The following ITIH4 variants were observed in gnomAD, a reference collection of about 807,000 sequenced individuals.
ITIH4 encodes inter-alpha-trypsin inhibitor heavy chain H4.
Under a neutral mutation model 111.8 loss-of-function variants are expected in ITIH4, and 79 were observed. That is an observed-to-expected ratio of 0.71 (90% confidence interval 0.59 to 0.85). The LOEUF (loss-of-function observed/expected upper bound fraction) is 0.85. Ranked by LOEUF, ITIH4 falls within the 40% of genes least tolerant of loss-of-function variation. The probability of loss-of-function intolerance (pLI) is 0.00; values close to 1 mark genes in which losing one functional copy is unlikely to be tolerated. For missense variants in ITIH4, 1,065 were observed against 1,195.8 expected (o/e 0.89, Z 1.61); for synonymous variants, 472 against 468.3 (o/e 1.01, Z -0.10).
rs1376845919 is a variant in ITIH4, at chr3:52,813,382, G to A, written c.*39C>T. The A allele has an allele frequency of 1.0e-5, 16 of 1,591,408 alleles. No homozygotes were observed. Among genetic ancestry groups the A allele is most frequent in the Non-Finnish European group, 1.4e-5 (16 of 1,159,518 alleles). ...AGCGGCCCTGCAGTTGCAGGGGGAA[G>A]CCAAGTGTACAGGGTGGGCACAGCT... On this transcript the variant is annotated 3_prime_UTR_variant, in exon 24 of 24. Coordinates refer to ENST00000266041, the MANE Select transcript of ITIH4 (RefSeq NM_002218.5).
chr3:52,816,883 C>A lies in ITIH4; in HGVS notation c.2471+1G>T. 6.2e-7 allele frequency: 1 copy of A among 1,613,108 alleles called. No individual in the cohort carries two copies. The highest frequency in any genetic ancestry group is 8.5e-7 in the Non-Finnish European group (1 of 1,179,496). ...GCCCCGGGCTCCAGCCTGGGCCTTA[C>A]CCGGGCATCACTGAGAATAGCGTCT... On this transcript the variant is annotated splice_donor_variant, in intron 21 of 23. Coordinates refer to ENST00000266041, the MANE Select transcript of ITIH4 (RefSeq NM_002218.5). LOFTEE classifies it high-confidence loss of function.
chr3:52,827,643 G>A (rs1276194563), intron 2 of ITIH4, among the ~76,000 whole-genome samples: 1 of 152,228 alleles, frequency 6.6e-6, no homozygotes, highest in African/African-American at 2.4e-5. Flanking sequence ...GCCGTGTGGG[G>A]CCAGGACTGA....
chr3:52,814,027 C>T lies in ITIH4; in HGVS notation c.2671G>A (p.Asp891Asn), dbSNP rs754295079. The T allele has an allele frequency of 1.4e-5, 22 of 1,613,836 alleles. No homozygotes were observed. The highest frequency in any genetic ancestry group is 3.4e-6 in the Non-Finnish European group (4 of 1,179,976). Residue 891 changes from aspartate to asparagine, a missense_variant, in exon 23 of 24, where the codon GAT (aspartate) becomes AAT (asparagine). Transcript: ENST00000266041. ...EVLWGSPAAS[D>N]DGRRTLRVQG... is the part of the protein sequence containing the mutation. ...ACCCTCAGCGTGCGTCTGCCGTCAT[C>T]TGATGCTGCTGGAGATCCCCAGAGC...
At chr3:52,821,168 G>T in intron 11 of ITIH4, 38 bp from the exon 12 acceptor site, 1 of 1,597,564 alleles carries the variant, frequency 6.3e-7, no homozygotes, top group African/African-American at 1.3e-5. Context: ...GAGCAGTGAG[G>T]GCCGGACATC....
At position 52,824,401 on chromosome 3, in the gene ITIH4, C is replaced by G. The variant is rs777854284; in HGVS notation, c.1041G>C (p.Leu347=). 1.9e-6 allele frequency: 3 copies of G among 1,614,104 alleles called. No individual in the cohort carries two copies. The highest frequency in any genetic ancestry group is 2.5e-6 in the Non-Finnish European group (3 of 1,180,000). The stretch of plus-strand genomic sequence containing the variant: ...CAGGGCCACAGAGACACTTACCTCC[C>G]AGGGCCTGGATGCCCGCAGCAAAGC... The part of the protein sequence containing the change: ...ARSFAAGIQA[L]GGTNINDAML... The change falls in exon 8 of 24, where the codon CTG becomes CTC. Residue 347 remains leucine (L), a synonymous_variant. Coordinates refer to ENST00000266041, the MANE Select transcript of ITIH4 (RefSeq NM_002218.5). This position sits in a 1 kb window ranked among gnomAD's most constrained non-coding sequence, Gnocchi z 4.3.
At chr3:52,817,186 T>C in intron 20 of ITIH4, 128 bp from the exon 21 acceptor site, 2 of 702,664 alleles carry the variant, frequency 2.8e-6, no homozygotes, top group Non-Finnish European at 4.7e-6. Flanking sequence ...TCAGGAGGGG[T>C]GCCCCTTTCT....
At position 52,823,606 on chromosome 3, in the gene ITIH4, G is replaced by A. The variant is rs373908509; in HGVS notation, c.1489C>T (p.Leu497Phe). The A allele has an allele frequency of 6.2e-6, 10 of 1,613,814 alleles. No homozygotes were observed. The highest frequency in any genetic ancestry group is 7.6e-6 in the Non-Finnish European group (9 of 1,179,988). The change falls in exon 11 of 24, where the codon CTC (leucine) becomes TTC (phenylalanine). Residue 497 changes from leucine to phenylalanine, a missense_variant. Transcript: ENST00000266041. ...AGCACATCAGGCCCCCGGTCCTGGA[G>A]CTTCCCAGCCACCACCATCTCTGAG... Reference protein sequence around the residue: ...KGSEMVVAGKLQDRGPDVLTA... With the variant: ...KGSEMVVAGKFQDRGPDVLTA...
Position 52,826,407 on chromosome 3 carries a change from A to G in ITIH4, c.630+134T>C, listed in dbSNP as rs1578781105. On this transcript the variant is annotated intron_variant, in intron 5 of 23. Transcript: ENST00000266041. ...CTGCCAAATGACAGCAAGGATGCAG[A>G]GATCTCAGGAGCCTCTCCAGGTCAC... The G allele has an allele frequency of 1.6e-5, 11 of 681,986 alleles. No individual in the cohort carries two copies. The East Asian group carries it at 2.4e-4, about 15-fold the overall frequency. The allele number at this position is 681,986 out of a possible 1,614,324, so 42.2% of individuals were successfully genotyped here.
chr3:52,827,308 TC>T, intron 2 of ITIH4, 111 bp from the exon 3 acceptor site: 1 of 849,106 alleles, frequency 1.2e-6, no homozygotes. Context: ...ACACAGTGAC[TC>T]CCATCTTTGC....
At position 52,820,946 on chromosome 3, in the gene ITIH4, G is replaced by C. The variant is rs765560343; in HGVS notation, c.1679+45C>G. 3.7e-6 allele frequency: 6 copies of C among 1,601,226 alleles called. No individual in the cohort carries two copies. The South Asian group carries it at 6.8e-5, about 18-fold the overall frequency. On this transcript the variant is annotated intron_variant, in intron 12 of 23. Coordinates refer to ENST00000266041, the MANE Select transcript of ITIH4 (RefSeq NM_002218.5). ...TTAGGCGCTGTACCGTGCCACCTGT[G>C]CCTGCCCCCTAGCGACAGGCTTAGG...
At chr3:52,827,254 C>G (rs1159851482) in intron 2 of ITIH4, 57 bp from the exon 3 acceptor site, 4 of 1,362,632 alleles carry the variant, frequency 2.9e-6, no homozygotes, top group Non-Finnish European at 3.2e-6. Flanking sequence ...CCATTCCACT[C>G]CTGCCTCCTC....
Position 52,824,897 on chromosome 3 carries a change from T to A in ITIH4, c.821A>T (p.Asn274Ile). Residue 274 changes from asparagine to isoleucine, a missense_variant, in exon 7 of 24, where the codon AAT becomes ATT. Transcript: ENST00000266041. The surrounding 1 kb of genome is among the most constrained non-coding windows in gnomAD (Gnocchi z 4.3). ...APEGLTTMPK[N>I]VVFVIDKSGS... Reference sequence around the variant, plus strand: ...GCTCTTGTCAATGACAAAGACCACATTCTTGGGCATTGTGGTTAGGCCCTC... The same window carrying A: ...GCTCTTGTCAATGACAAAGACCACAATCTTGGGCATTGTGGTTAGGCCCTC... The A allele has an allele frequency of 6.2e-7, 1 of 1,614,116 alleles. No individual in the cohort carries two copies. Among genetic ancestry groups the A allele is most frequent in the African/African-American group, 1.3e-5 (1 of 75,064 alleles).
intron 1 of ITIH4, chr3:52,829,813 A>C (rs1329941338): frequency 6.3e-6 from 1 of 159,254 alleles, no homozygotes; most frequent in Non-Finnish European, 1.4e-5. Flanking sequence ...ATTCGGAGGT[A>C]GACTAGAGTC....
chr3:52,820,941 C>T (rs1474381726), intron 12 of ITIH4, 50 bp downstream of exon 12: 1 of 1,598,634 alleles, frequency 6.3e-7, no homozygotes, highest in Non-Finnish European at 8.5e-7. Flanking sequence ...TACCGTGCCA[C>T]CTGTGCCTGC....
rs375739396 is a variant in ITIH4, at chr3:52,824,923, G to A, written c.795C>T (p.Pro265=). 3.3e-5 allele frequency: 54 copies of A among 1,613,672 alleles called. No homozygotes were observed. The highest frequency in any genetic ancestry group is 1.6e-4 in the Middle Eastern group (1 of 6,084). Residue 265 remains proline, a synonymous_variant, in exon 7 of 24, where the codon CCC becomes CCT. Transcript: ENST00000266041. The surrounding 1 kb of genome is among the most constrained non-coding windows in gnomAD (Gnocchi z 4.3). ...ENGYFVHYFA[P]EGLTTMPKNV... ...TCTTGGGCATTGTGGTTAGGCCCTC[G>A]GGGGCAAAGTAGTGTACAAAGTAGC...
rs1364874795 is a variant in ITIH4, at chr3:52,826,023, AT to A, written c.631-10del. 6.2e-7 allele frequency: 1 copy of A among 1,613,908 alleles called. No homozygotes were observed. The highest frequency in any genetic ancestry group is 1.7e-5 in the Admixed American group (1 of 60,002). On this transcript the variant is annotated splice_polypyrimidine_tract_variant and intron_variant, in intron 5 of 23. Transcript: ENST00000266041. ...TTGAACCGGATGTGAGCCTGGAGGA[AT>A]AATCCGGGCTGAAGTTGGGAGGAAC...
chr3:52,827,257 G>T, intron 2 of ITIH4, 60 bp from the exon 3 acceptor site: 1 of 1,350,444 alleles, frequency 7.4e-7, no homozygotes, highest in Non-Finnish European at 1.1e-6. Context: ...TTCCACTCCT[G>T]CCTCCTCCAG....
At position 52,817,061 on chromosome 3, in the gene ITIH4, G is replaced by T. The variant is rs540109340; in HGVS notation, c.2297-3C>A. On this transcript the variant is annotated splice_region_variant and splice_polypyrimidine_tract_variant and intron_variant, in intron 20 of 23. Coordinates refer to ENST00000266041, the MANE Select transcript of ITIH4 (RefSeq NM_002218.5). ...ATACTGGCCAGTCACCTCAACCCCT[G>T]GGAGGACCAGACCAGAGAGGTCATA... The T allele has an allele frequency of 1.3e-5, 21 of 1,612,176 alleles. No homozygotes were observed. In the East Asian group the frequency reaches 4.5e-4, roughly 34 times the overall value.
intron 16 of ITIH4, 89 bp from the exon 17 acceptor site, chr3:52,819,607 G>A (rs903725381): frequency 5.0e-6 from 8 of 1,588,602 alleles, no homozygotes; most frequent in African/African-American, 2.7e-5. Context: ...GAGTGGGTGC[G>A]GAGAGGGCAG....
Sources: allele counts gnomAD v4.1 joint callset (sites outside exome capture counted in the v4.1 genomes callset), GRCh38; gene constraint gnomAD v4.1.1; non-coding constraint Gnocchi (gnomAD v3.1); transcripts MANE v1.5; gene names NCBI Gene and HGNC (gene_info 2026-07-23, HGNC 2026-07-21).